Variants in SNX29 observed in about 807,000 individuals in gnomAD.
SNX29 encodes the protein sorting nexin-29.
Under a neutral mutation model 102.1 loss-of-function variants are expected in SNX29, and 78 were observed. The ratio of observed to expected loss-of-function variants is 0.76; its 90% CI spans 0.64 to 0.92. SNX29 has a LOEUF of 0.92. Among genes scored for constraint, SNX29 ranks in the 40% least tolerant of loss-of-function variants. The pLI is 0.00. For synonymous variants in SNX29, 580 were observed against 414.5 expected (o/e 1.40, Z -4.85); for missense variants, 1,280 against 1,061.7 (o/e 1.21, Z -2.86).
intron 10 of SNX29, among the ~76,000 whole-genome samples, chr16:12,071,383 C>A (rs2051294115): frequency 6.6e-6 from 1 of 152,162 alleles, no homozygotes; most frequent in Non-Finnish European, 1.5e-5. Flanking sequence ...CAGCTTTCTA[C>A]ATATGGCTAG....
intron 14 of SNX29, among the ~76,000 whole-genome samples, chr16:12,243,785 C>T (rs990729467): frequency 2.0e-5 from 3 of 152,202 alleles, no homozygotes; most frequent in African/African-American, 4.8e-5. Flanking sequence ...CAGGTGGCTT[C>T]TCTGCTCAGA....
intron 15 of SNX29, among the ~76,000 whole-genome samples, chr16:12,292,133 A>G (rs891532726): frequency 4.6e-5 from 7 of 152,128 alleles, no homozygotes; most frequent in Non-Finnish European, 1.0e-4. Flanking sequence ...TGCAGGTAGA[A>G]TAGGACCTTG....
chr16:11,994,875 G>T (rs1017815857), intron 1 of SNX29, among the ~76,000 whole-genome samples: 2 of 152,110 alleles, frequency 1.3e-5, no homozygotes, highest in African/African-American at 4.8e-5. Context: ...AGCTGGAAGG[G>T]CATGATCTCA....
At chr16:12,054,872 GT>G (rs1193547009) in intron 8 of SNX29, among the ~76,000 whole-genome samples, 5 of 152,164 alleles carry the variant, frequency 3.3e-5, no homozygotes, top group African/African-American at 1.2e-4. Context: ...TTCCCCTTTT[GT>G]TGGGTATTTA....
At chr16:12,044,065 T>C (rs1396800809) in intron 5 of SNX29, among the ~76,000 whole-genome samples, 1 of 152,134 alleles carries the variant, frequency 6.6e-6, no homozygotes, top group East Asian at 1.9e-4. Context: ...TGGCCATTAG[T>C]TTTGCTCTGA....
intron 15 of SNX29, among the ~76,000 whole-genome samples, chr16:12,324,527 C>T (rs1328760463): frequency 6.6e-6 from 1 of 152,078 alleles, no homozygotes; most frequent in Non-Finnish European, 1.5e-5. Context: ...TCTGCCTCAG[C>T]CTCCCAAAGT....
Position 12,051,919 on chromosome 16 carries a change from A to G in SNX29, c.821A>G (p.Asp274Gly). The G allele has an allele frequency of 6.2e-7, 1 of 1,613,824 alleles. No homozygotes were observed. The highest frequency in any genetic ancestry group is 2.2e-5 in the East Asian group (1 of 44,868). The stretch of plus-strand genomic sequence containing the variant: ...ATAATCTCATTTGATGATGAGGAAG[A>G]TGAGCAGAACTCTGGGGACGTGTTT... ...TNIISFDDEE[D>G]EQNSGDVFKK... Residue 274 changes from aspartate (D) to glycine (G), a missense_variant, in exon 8 of 21, where the codon GAT (aspartate) becomes GGT (glycine). Asp to Gly is a moderately conservative substitution (Grantham distance 94, BLOSUM62 -1). Coordinates refer to ENST00000566228, the MANE Select transcript of SNX29 (RefSeq NM_032167.5).
In SNX29 at chr16:12,353,744, A is replaced by AC. The variant is rs146063615; in HGVS notation, c.1783-2415dup. 5.5e-3 allele frequency among the ~76,000 whole-genome samples: 843 copies of AC among 152,230 alleles called. 2 individuals carry two copies. Among genetic ancestry groups the AC allele is most frequent in the Non-Finnish European group, 9.3e-3 (634 of 67,994 alleles). On this transcript the variant is annotated intron_variant, in intron 15 of 20. Coordinates refer to ENST00000566228, the MANE Select transcript of SNX29 (RefSeq NM_032167.5). The stretch of plus-strand genomic sequence containing the variant: ...TGTGGGGACTGAGTGAGTTAGTGAG[A>AC]CCCCAAGAGGGAGAAGGGGGATTGG...
chr16:12,248,038 C>G (rs2078310132), intron 14 of SNX29, among the ~76,000 whole-genome samples: 1 of 152,236 alleles, frequency 6.6e-6, no homozygotes, highest in South Asian at 2.1e-4. Flanking sequence ...GAGATTGTCA[C>G]AGCAGCTTCC....
At chr16:12,402,622 C>T (rs1418055934) in intron 17 of SNX29, among the ~76,000 whole-genome samples, 1 of 152,216 alleles carries the variant, frequency 6.6e-6, no homozygotes, top group Non-Finnish European at 1.5e-5. Flanking sequence ...AGTTTAAAGT[C>T]ATCACAGAAG....
chr16:12,429,439 G>A (rs376002739), intron 18 of SNX29, among the ~76,000 whole-genome samples: 2 of 152,224 alleles, frequency 1.3e-5, no homozygotes, highest in South Asian at 2.1e-4. Flanking sequence ...TTTCCTCTAA[G>A]AGACAGTGTC....
intron 13 of SNX29, among the ~76,000 whole-genome samples, chr16:12,184,217 C>A (rs1401242075): frequency 1.3e-5 from 2 of 152,210 alleles, no homozygotes; most frequent in African/African-American, 2.4e-5. Context: ...CAGTATCTAA[C>A]ATACGGTTCA....
At chr16:12,243,203 C>T (rs1003576546) in intron 14 of SNX29, among the ~76,000 whole-genome samples, 1 of 152,236 alleles carries the variant, frequency 6.6e-6, no homozygotes, top group African/African-American at 2.4e-5. Context: ...ATGTAGTTGA[C>T]AGTGAATAAG....
intron 13 of SNX29, among the ~76,000 whole-genome samples, chr16:12,173,084 A>G (rs2076184007): frequency 6.6e-6 from 1 of 152,170 alleles, no homozygotes. Flanking sequence ...AACAGGAAAA[A>G]TGTTCCACAT....
chr16:12,433,515 C>G (rs1354139240), intron 18 of SNX29, among the ~76,000 whole-genome samples: 1 of 151,474 alleles, frequency 6.6e-6, no homozygotes, highest in Non-Finnish European at 1.5e-5. Flanking sequence ...CCTGTAGTCC[C>G]AGCTACTAAA....
chr16:12,043,239 G>A (rs2049958095), intron 5 of SNX29, among the ~76,000 whole-genome samples, 162 bp downstream of exon 5: 1 of 152,088 alleles, frequency 6.6e-6, no homozygotes. Context: ...GGAGAAACTT[G>A]GGGGAGAATC....
rs1421267420 is a variant in SNX29, at chr16:12,573,294, C to G, written c.*4665C>G. On this transcript the variant is annotated 3_prime_UTR_variant, in exon 21 of 21. Transcript: ENST00000566228. ...TCCTCACTCTAGCCATGAGCCATTG[C>G]CATCTTATGGGCCCGATTTGGGTAC... The G allele has an allele frequency of 1.3e-5, 3 of 227,096 alleles. No individual in the cohort carries two copies. Among genetic ancestry groups the G allele is most frequent in the African/African-American group, 6.7e-5 (3 of 44,992 alleles). The allele number at this position is 227,096 out of a possible 1,614,324, so 14.1% of individuals were successfully genotyped here. A position where few individuals can be genotyped will look rare whatever the true frequency, so the allele number is the denominator to read the frequency against.
rs542518798 is a variant in SNX29 at position 12,074,426 on chromosome 16, T to A, written c.1320-4407T>A. 2.7e-3 allele frequency among the ~76,000 whole-genome samples: 406 copies of A among 152,244 alleles called. 1 individual carries two copies. Among genetic ancestry groups the A allele is most frequent in the Non-Finnish European group, 4.0e-3 (272 of 68,014 alleles). ...AAGTATTTTATTTCTCCTTCACTTA[T>A]GAAGCTTAGTTTGGCTGGATATGAA... On this transcript the variant is annotated intron_variant, in intron 10 of 20. Coordinates refer to ENST00000566228, the MANE Select transcript of SNX29 (RefSeq NM_032167.5).
intron 15 of SNX29, among the ~76,000 whole-genome samples, chr16:12,303,172 G>A (rs2151105015): frequency 6.6e-6 from 1 of 152,178 alleles, no homozygotes; most frequent in South Asian, 2.1e-4. Flanking sequence ...GTATGGAGTT[G>A]GTCCACATAG....
Sources: allele counts gnomAD v4.1 joint callset (sites outside exome capture counted in the v4.1 genomes callset), GRCh38; gene constraint gnomAD v4.1.1; transcripts MANE v1.5; gene names NCBI Gene and HGNC (gene_info 2026-07-23, HGNC 2026-07-21).